The following LRP1B variants were observed in gnomAD, a reference collection of about 807,000 sequenced individuals.
LRP1B encodes LDL receptor related protein 1B, also known as low-density lipoprotein receptor-related protein 1B.
Under a neutral mutation model 556.6 loss-of-function variants are expected in LRP1B, and 217 were observed. The ratio of observed to expected loss-of-function variants is 0.39; its 90% CI spans 0.35 to 0.44. The LOEUF (loss-of-function observed/expected upper bound fraction) is 0.44, where lower values mean the gene tolerates loss of function less well. Ranked by LOEUF, LRP1B falls within the 20% of genes least tolerant of loss-of-function variation. LRP1B has a pLI of 1.00. For missense variants in LRP1B, 5,053 were observed against 5,620.8 expected (o/e 0.90, Z 3.23); for synonymous variants, 2,047 against 1,865.8 (o/e 1.10, Z -2.50).
intron 32 of LRP1B, among the ~76,000 whole-genome samples, chr2:140,800,434 A>C (rs1333907242): frequency 1.3e-5 from 2 of 152,180 alleles, no homozygotes; most frequent in African/African-American, 4.8e-5. Flanking sequence ...TTTATTAACT[A>C]TGTAACTGAG....
intron 31 of LRP1B, among the ~76,000 whole-genome samples, chr2:140,823,264 G>A (rs191461063): frequency 4.7e-5 from 7 of 148,268 alleles, no homozygotes; most frequent in East Asian, 4.1e-4. Context: ...CAATATGCAC[G>A]AGAAGAAATT....
chr2:140,964,918 C>T (rs1696156309), intron 18 of LRP1B, among the ~76,000 whole-genome samples: 2 of 152,124 alleles, frequency 1.3e-5, no homozygotes, highest in African/African-American at 2.4e-5. Context: ...TGCGTCATTG[C>T]ACTCCAGCCT....
intron 43 of LRP1B, among the ~76,000 whole-genome samples, chr2:140,588,874 C>T (rs1308407743): frequency 1.3e-5 from 2 of 151,604 alleles, no homozygotes; most frequent in African/African-American, 4.8e-5. Flanking sequence ...GCAGGAGAAT[C>T]TCTTGAACCC....
intron 37 of LRP1B, among the ~76,000 whole-genome samples, chr2:140,707,684 G>A (rs1686887083): frequency 6.6e-6 from 1 of 152,076 alleles, no homozygotes; most frequent in East Asian, 1.9e-4. Context: ...GGAATAAAAT[G>A]AAATGTAGAG....
chr2:141,159,804 T>C (rs1450998350), intron 7 of LRP1B, among the ~76,000 whole-genome samples: 2 of 152,144 alleles, frequency 1.3e-5, no homozygotes, highest in East Asian at 1.9e-4. Flanking sequence ...TAAAAATATA[T>C]GGCAATAATA....
intron 2 of LRP1B, among the ~76,000 whole-genome samples, chr2:141,523,450 A>C (rs959028182): frequency 6.6e-6 from 1 of 152,132 alleles, no homozygotes; most frequent in African/African-American, 2.4e-5. Context: ...AATTGCCAAG[A>C]GTCACAATGA....
At chr2:141,049,279 T>C in intron 10 of LRP1B, 57 bp from the exon 11 acceptor site, 1 of 1,088,414 alleles carries the variant, frequency 9.2e-7, no homozygotes, top group Non-Finnish European at 1.4e-6. Context: ...TTCTTTACAC[T>C]GCATAATGCC....
At chr2:140,238,099 G>T in intron 89 of LRP1B, 53 bp downstream of exon 89, 1 of 1,477,814 alleles carries the variant, frequency 6.8e-7, no homozygotes. Flanking sequence ...ATAAAACAGA[G>T]ATGCGACTCA....
At chr2:140,752,770 A>G (rs767118307) in intron 35 of LRP1B, among the ~76,000 whole-genome samples, 3 of 152,182 alleles carry the variant, frequency 2.0e-5, no homozygotes, top group Non-Finnish European at 4.4e-5. Context: ...AGAGGAAGGT[A>G]AAAAGATTTT....
At chr2:141,855,324 T>A (rs1698016159) in intron 1 of LRP1B, among the ~76,000 whole-genome samples, 1 of 152,090 alleles carries the variant, frequency 6.6e-6, no homozygotes, top group Non-Finnish European at 1.5e-5. Context: ...CTTAACGGGA[T>A]AAGACATTCG....
chr2:140,680,839 G>C (rs746134007), intron 41 of LRP1B, among the ~76,000 whole-genome samples: 1 of 152,098 alleles, frequency 6.6e-6, no homozygotes, highest in Non-Finnish European at 1.5e-5. Context: ...TGATGCCATA[G>C]GCAAGAAAAA....
At chr2:141,111,181 G>A (rs959578953) in intron 7 of LRP1B, among the ~76,000 whole-genome samples, 2 of 151,926 alleles carry the variant, frequency 1.3e-5, no homozygotes, top group Non-Finnish European at 2.9e-5. Flanking sequence ...TATCAAAAAT[G>A]TCAGAAAAAA....
chr2:140,612,845 A>C (rs1683115644), intron 41 of LRP1B, among the ~76,000 whole-genome samples: 1 of 151,878 alleles, frequency 6.6e-6, no homozygotes, highest in Admixed American at 6.6e-5. Context: ...TTCTTATTAT[A>C]CTTTTTTTAG....
chr2:140,907,140 T>G (rs1183954600), intron 22 of LRP1B, among the ~76,000 whole-genome samples: 1 of 152,112 alleles, frequency 6.6e-6, no homozygotes, highest in Non-Finnish European at 1.5e-5. Flanking sequence ...ATCTCATTAT[T>G]GTTCTTATCA....
chr2:141,378,734 G>T (rs1163874651), intron 3 of LRP1B, among the ~76,000 whole-genome samples: 1 of 152,126 alleles, frequency 6.6e-6, no homozygotes, highest in Non-Finnish European at 1.5e-5. Context: ...AATATCAGAA[G>T]AAAGAATAGC....
chr2:141,909,545 T>A (rs1206284991), intron 1 of LRP1B, among the ~76,000 whole-genome samples: 3 of 129,640 alleles, frequency 2.3e-5, no homozygotes, highest in African/African-American at 3.2e-5. Context: ...TTTTTTTTTT[T>A]TTTTTTTTTT....
At chr2:140,664,000 C>T (rs528476498) in intron 41 of LRP1B, among the ~76,000 whole-genome samples, 1 of 152,188 alleles carries the variant, frequency 6.6e-6, no homozygotes, top group East Asian at 1.9e-4. Flanking sequence ...CAGGGAAAGA[C>T]ACAGGGAAGG....
chr2:140,600,503 C>A (rs1258220408), intron 42 of LRP1B, among the ~76,000 whole-genome samples: 1 of 152,116 alleles, frequency 6.6e-6, no homozygotes, highest in Non-Finnish European at 1.5e-5. Flanking sequence ...TTTCTTCTGA[C>A]AAGTGGTCTG....
Position 140,456,365 on chromosome 2 carries a change from T to A in LRP1B, c.9963+90A>T, listed in dbSNP as rs1687106831. ...CTTTATTCTGTGACCATCTCTACAA[T>A]GTATGGAATGATCATTCAATGTTAT... On this transcript the variant is annotated intron_variant, in intron 62 of 90. Transcript: ENST00000389484. 1.2e-5 allele frequency: 15 copies of A among 1,269,146 alleles called. No individual in the cohort carries two copies. In the East Asian group the frequency reaches 3.7e-4, roughly 31 times the overall value. 78.6% of individuals were successfully genotyped at this position (1,269,146 alleles called of 1,614,324 possible).
Sources: allele counts gnomAD v4.1 joint callset (sites outside exome capture counted in the v4.1 genomes callset), GRCh38; gene constraint gnomAD v4.1.1; transcripts MANE v1.5; gene names NCBI Gene and HGNC (gene_info 2026-07-23, HGNC 2026-07-21).